The following ATAD5 variants were observed in gnomAD, a reference collection of about 807,000 sequenced individuals.
ATAD5 encodes ATPase family AAA domain-containing protein 5.
In ATAD5, 58 loss-of-function variants were observed where a neutral mutation model predicts 176.9. The observed-to-expected ratio is 0.33, with a 90% CI of 0.27 to 0.41. ATAD5 has a LOEUF of 0.41. Ranked by LOEUF, ATAD5 falls within the 10% of genes least tolerant of loss-of-function variation. The pLI, the probability that ATAD5 is intolerant of heterozygous loss-of-function variation, is 1.00. For missense variants in ATAD5, 1,789 were observed against 2,094.1 expected (o/e 0.85, Z 2.84); for synonymous variants, 640 against 712.6 (o/e 0.90, Z 1.62).
Position 30,834,610 on chromosome 17 carries a change from A to T in ATAD5, c.529A>T (p.Ser177Cys). Residue 177 changes from serine to cysteine, a missense_variant, in exon 2 of 23, where the codon AGT (serine) becomes TGT (cysteine). Ser to Cys is a moderately radical substitution (Grantham distance 112). Coordinates refer to ENST00000321990, the MANE Select transcript of ATAD5 (RefSeq NM_024857.5). ...VLAENIQDTK[S>C]QPNTMTSLQN... Reference sequence around the variant, plus strand: ...TGCAGAAAACATTCAAGATACAAAAAGTCAACCAAATACTATGACCTCCCT... The same window carrying T: ...TGCAGAAAACATTCAAGATACAAAATGTCAACCAAATACTATGACCTCCCT... 6.2e-7 allele frequency: 1 copy of T among 1,611,760 alleles called. No individual in the cohort carries two copies. Among genetic ancestry groups the T allele is most frequent in the Non-Finnish European group, 8.5e-7 (1 of 1,179,520 alleles).
At chr17:30,849,393 G>C (rs1906732494) in intron 6 of ATAD5, among the ~76,000 whole-genome samples, 1 of 152,166 alleles carries the variant, frequency 6.6e-6, no homozygotes, top group South Asian at 2.1e-4. Flanking sequence ...GCTGCACCCA[G>C]CTGTTTGCAA....
intron 14 of ATAD5, among the ~76,000 whole-genome samples, chr17:30,872,859 C>G (rs1908422763): frequency 1.3e-5 from 2 of 152,068 alleles, no homozygotes. Context: ...CCCAGCCAAC[C>G]TCCTCAGGTT....
rs965262415 is a variant in ATAD5 at position 30,895,132 on chromosome 17, T to G, written c.*219T>G. 7 of 368,946 alleles carry G rather than the reference T, an allele frequency of 1.9e-5. No homozygotes were observed. The highest frequency in any genetic ancestry group is 3.4e-5 in the Non-Finnish European group (7 of 206,664). 22.9% of individuals were successfully genotyped at this position (368,946 alleles called of 1,614,324 possible). A position where few individuals can be genotyped will look rare whatever the true frequency, so the allele number is the denominator to read the frequency against. ...TCTGAATTTTTTGTATTATCTGATTTAGCTTTGTTGGAGTATTTTTTGTAT... is the reference window on the plus strand; with the variant it reads ...TCTGAATTTTTTGTATTATCTGATTGAGCTTTGTTGGAGTATTTTTTGTAT... On this transcript the variant is annotated 3_prime_UTR_variant, in exon 23 of 23. Coordinates refer to ENST00000321990, the MANE Select transcript of ATAD5 (RefSeq NM_024857.5).
rs1252758549 is a variant in ATAD5, at chr17:30,894,644, G to A, written c.5378G>A (p.Ser1793Asn). Reference protein sequence around the residue: ...SLLYVGNRQASIIEYLPTLRN... With the variant: ...SLLYVGNRQANIIEYLPTLRN... ...CTCTATGTGGGTAATAGACAAGCTA[G>A]TATAATTGAATACCTGCCAACCCTT... The change falls in exon 22 of 23, where the codon AGT becomes AAT. Residue 1793 changes from serine to asparagine, a missense_variant. Transcript: ENST00000321990. 7 of 1,613,426 alleles carry A rather than the reference G, an allele frequency of 4.3e-6. 1 individual carries two copies. The East Asian group carries it at 6.7e-5, about 15-fold the overall frequency.
At chr17:30,890,418 C>CTTTTTTTTTTTT (rs968126768) in intron 19 of ATAD5, among the ~76,000 whole-genome samples, 11 of 106,720 alleles carry the variant, frequency 1.0e-4, no homozygotes, top group Non-Finnish European at 1.5e-4. Context: ...CTCTTCTTTT[C>CTTTTTTTTTTTT]TTTTTTTTTT....
chr17:30,843,221 G>A (rs1255088268), intron 4 of ATAD5, among the ~76,000 whole-genome samples: 2 of 151,832 alleles, frequency 1.3e-5, no homozygotes, highest in African/African-American at 2.4e-5. Flanking sequence ...GTGTGGTGGT[G>A]TGCGCCTGTA....
chr17:30,892,582 G>A (rs1264049218), intron 19 of ATAD5, 25 bp from the exon 20 acceptor site: 5 of 1,508,112 alleles, frequency 3.3e-6, no homozygotes, highest in East Asian at 2.3e-5. Context: ...CATATATAGA[G>A]CTAAGATTTT....
intron 12 of ATAD5, among the ~76,000 whole-genome samples, chr17:30,868,943 T>C (rs1238523093): frequency 1.3e-5 from 2 of 151,454 alleles, no homozygotes; most frequent in Non-Finnish European, 2.9e-5. Flanking sequence ...TTCAAGTGAT[T>C]CTCCCATCTC....
intron 10 of ATAD5, among the ~76,000 whole-genome samples, chr17:30,861,209 C>G (rs950327344): frequency 7.6e-6 from 1 of 131,228 alleles, no homozygotes; most frequent in Non-Finnish European, 1.6e-5. Context: ...CCCCCCTCCC[C>G]GCCCTTGGCC....
intron 10 of ATAD5, 50 bp from the exon 11 acceptor site, chr17:30,865,654 A>C: frequency 9.0e-7 from 1 of 1,112,894 alleles, no homozygotes; most frequent in Non-Finnish European, 1.3e-6. Context: ...TAATTCATAT[A>C]TGTTTATGTC....
intron 6 of ATAD5, among the ~76,000 whole-genome samples, chr17:30,847,971 C>T (rs576538910): frequency 3.0e-4 from 46 of 152,176 alleles, no homozygotes; most frequent in East Asian, 1.7e-3. Context: ...CCACCCACCT[C>T]GGCCTCCCAA....
At chr17:30,844,117 G>A in intron 5 of ATAD5, 78 bp downstream of exon 5, 1 of 1,172,722 alleles carries the variant, frequency 8.5e-7, no homozygotes, top group East Asian at 2.9e-5. Flanking sequence ...TTGTGTTCTG[G>A]GGTATTTATT....
rs1319177682 is a variant in ATAD5, at chr17:30,892,443, A to G, written c.4259-164A>G. Among the ~76,000 whole-genome samples the G allele has an allele frequency of 2.0e-5, 3 of 151,746 alleles. No individual in the cohort carries two copies. In the East Asian group the frequency reaches 5.8e-4, roughly 29 times the overall value. On this transcript the variant is annotated intron_variant, in intron 19 of 22. Transcript: ENST00000321990. ...CTGTCTTTAAAAAAAAAAAAAAAAA[A>G]AGAATAATGCTTATATTGTACTCTT...
chr17:30,837,969 A>G (rs1253251037), intron 3 of ATAD5, among the ~76,000 whole-genome samples: 1 of 152,160 alleles, frequency 6.6e-6, no homozygotes, highest in Non-Finnish European at 1.5e-5. Context: ...CAACCTTGCT[A>G]TTATTGACAT....
chr17:30,873,985 T>C lies in ATAD5; in HGVS notation c.3608-2389T>C, dbSNP rs577804325. On this transcript the variant is annotated intron_variant, in intron 14 of 22. Transcript: ENST00000321990. ...TTCAAGACCAGCCTGGCCAACATGGTGAAATGCCATCTCTACTAAAAATAG... is the reference window on the plus strand; with the variant it reads ...TTCAAGACCAGCCTGGCCAACATGGCGAAATGCCATCTCTACTAAAAATAG... Among the ~76,000 whole-genome samples, 9 of 151,476 alleles carry C rather than the reference T, an allele frequency of 5.9e-5. No homozygotes were observed. In the South Asian group the frequency reaches 1.9e-3, roughly 32 times the overall value.
At position 30,858,284 on chromosome 17, in the gene ATAD5, G is replaced by A; in HGVS notation, c.2917G>A (p.Glu973Lys). 6.3e-7 allele frequency: 1 copy of A among 1,580,846 alleles called. No homozygotes were observed. The highest frequency in any genetic ancestry group is 8.6e-7 in the Non-Finnish European group (1 of 1,163,430). The change falls in exon 9 of 23, where the codon GAG (glutamate) becomes AAG (lysine). Residue 973 changes from glutamate (E) to lysine (K), a missense_variant. Transcript: ENST00000321990. ...YFPLLLKKQI[E>K]HQVLSSECHS... ...TCCCTTACTCCTAAAAAAACAAATT[G>A]AGCACCAAGTACTTTCTTCCGAGTG...
Position 30,895,177 on chromosome 17 carries a change from A to G in ATAD5, c.*264A>G, listed in dbSNP as rs145771333. On this transcript the variant is annotated 3_prime_UTR_variant, in exon 23 of 23. Coordinates refer to ENST00000321990, the MANE Select transcript of ATAD5 (RefSeq NM_024857.5). ...TTGTATGTGAGTGAACTGTTTCTGGAAGGTAGAGTTCATTAAGATGAACTC... is the reference window on the plus strand; with the variant it reads ...TTGTATGTGAGTGAACTGTTTCTGGGAGGTAGAGTTCATTAAGATGAACTC... 182 of 269,572 alleles carry G rather than the reference A, an allele frequency of 6.8e-4. 1 individual carries two copies. The East Asian group carries it at 0.013, about 20-fold the overall frequency. The allele number at this position is 269,572 out of a possible 1,614,324, so 16.7% of individuals were successfully genotyped here.
chr17:30,867,256 T>G (rs1410646423), intron 11 of ATAD5, among the ~76,000 whole-genome samples: 3 of 151,918 alleles, frequency 2.0e-5, no homozygotes, highest in Non-Finnish European at 4.4e-5. Context: ...AAAAAATAGC[T>G]GGGAATGATG....
At chr17:30,892,828 C>T in intron 20 of ATAD5, 40 bp downstream of exon 20, 1 of 1,423,878 alleles carries the variant, frequency 7.0e-7, no homozygotes, top group Non-Finnish European at 9.5e-7. Flanking sequence ...AATTTATATT[C>T]CTTTTCATAT....
Sources: gnomAD v4.1 joint callset for allele counts (sites outside exome capture counted in the v4.1 genomes callset) on GRCh38, gnomAD v4.1.1 for gene constraint, MANE v1.5 for transcripts, NCBI Gene and HGNC (gene_info 2026-07-23, HGNC 2026-07-21) for gene names.